Variants in DPP6 observed in about 807,000 individuals in gnomAD.
The protein encoded by DPP6 is dipeptidyl peptidase like 6.
Under a neutral mutation model 122.6 loss-of-function variants are expected in DPP6, and 69 were observed. The ratio of observed to expected loss-of-function variants is 0.56; its 90% CI spans 0.46 to 0.69. DPP6 has a LOEUF of 0.69. Among genes scored for constraint, DPP6 ranks in the 30% least tolerant of loss-of-function variants. DPP6 has a pLI of 0.00. For synonymous variants in DPP6, 418 were observed against 433.1 expected, an observed-to-expected ratio of 0.97 and a Z score of 0.43; for missense variants, 928 against 1,116.9, an observed-to-expected ratio of 0.83 and a Z score of 2.41.
the DPP6 span, among the ~76,000 whole-genome samples, chr7:153,750,108 A>C: frequency 6.6e-6 from 1 of 152,200 alleles, no homozygotes; most frequent in Admixed American, 6.5e-5. Flanking sequence ...TGAAGTGAGT[A>C]ATGATATTGG....
chr7:154,305,534 G>A (rs752433117), intron 1 of DPP6: 123 of 1,604,032 alleles, frequency 7.7e-5, no homozygotes, highest in Middle Eastern at 1.6e-4. Context: ...GGGGAAATCC[G>A]TGCAGCAGCA....
At chr7:154,844,327 T>C (rs1175903776) in intron 16 of DPP6, among the ~76,000 whole-genome samples, 1 of 152,214 alleles carries the variant, frequency 6.6e-6, no homozygotes, top group African/African-American at 2.4e-5. Flanking sequence ...AGGTTTAAAG[T>C]GTTCCTCTTG....
intron 1 of DPP6, among the ~76,000 whole-genome samples, chr7:154,273,638 T>C (rs1431446551): frequency 6.6e-6 from 1 of 152,228 alleles, no homozygotes; most frequent in Non-Finnish European, 1.5e-5. Context: ...TGTGCCCCAT[T>C]TTGTTAATGG....
chr7:153,813,425 T>C, the DPP6 span, among the ~76,000 whole-genome samples: 1 of 152,162 alleles, frequency 6.6e-6, no homozygotes, highest in Non-Finnish European at 1.5e-5. Flanking sequence ...CAGTCTATCA[T>C]TGTTGGACAC....
intron 1 of DPP6, among the ~76,000 whole-genome samples, chr7:154,143,749 A>G (rs980180456): frequency 4.0e-5 from 6 of 151,242 alleles, no homozygotes; most frequent in African/African-American, 7.3e-5. Context: ...GTCTCTAACT[A>G]CACATTTATC....
In DPP6 at chr7:154,516,391, G is replaced by A. The variant is rs561448845; in HGVS notation, c.458-24141G>A. ...CCACGCAGGAAGGCGCTGAGGAACC[G>A]TGCTACTGAAAGGAGAATGAGAGCT... On this transcript the variant is annotated intron_variant, in intron 3 of 25. Transcript: ENST00000377770. 3.0e-4 allele frequency among the ~76,000 whole-genome samples: 45 copies of A among 152,252 alleles called. No homozygotes were observed. In the South Asian group the frequency reaches 6.2e-3, roughly 21 times the overall value.
At chr7:153,973,872 G>T (rs1207317160) in intron 1 of DPP6, among the ~76,000 whole-genome samples, 3 of 149,230 alleles carry the variant, frequency 2.0e-5, no homozygotes, top group African/African-American at 7.5e-5. Context: ...TGCAACTCTT[G>T]TCTTAATCTA....
Position 153,935,511 on chromosome 7 carries a change from C to T in DPP6, c.51+47777C>T, listed in dbSNP as rs150635369. Among the ~76,000 whole-genome samples the T allele has an allele frequency of 2.0e-4, 30 of 152,306 alleles. No individual in the cohort carries two copies. The East Asian group carries it at 4.8e-3, about 25-fold the overall frequency. On this transcript the variant is annotated intron_variant, in intron 1 of 25. Transcript: ENST00000404039. ...TGGCTCAGCTGGTCTCCCTGCCGTC[C>T]GAGGCCCCGTTGGCCCCTCTCGATT...
intron 8 of DPP6, among the ~76,000 whole-genome samples, chr7:154,740,709 G>A (rs761072626): frequency 1.3e-5 from 2 of 152,078 alleles, no homozygotes; most frequent in South Asian, 2.1e-4. Flanking sequence ...GTAAACATAC[G>A]GGAGCAATGC....
intron 4 of DPP6, among the ~76,000 whole-genome samples, chr7:154,540,966 A>G (rs1445023379): frequency 6.6e-6 from 1 of 152,224 alleles, no homozygotes; most frequent in Admixed American, 6.5e-5. Flanking sequence ...AATTTGCTCA[A>G]TCCTGTTTAA....
intron 16 of DPP6, among the ~76,000 whole-genome samples, chr7:154,840,528 A>G (rs1270830606): frequency 6.6e-6 from 1 of 152,166 alleles, no homozygotes; most frequent in African/African-American, 2.4e-5. Context: ...GAGTTTCCCA[A>G]CACACCATAA....
intron 1 of DPP6, among the ~76,000 whole-genome samples, chr7:153,960,655 ATGTGTGTGCGGG>A: frequency 8.9e-6 from 1 of 111,886 alleles, no homozygotes; most frequent in Admixed American, 1.1e-4. Flanking sequence ...GTGTGTGTGC[ATGTGTGTGCGGG>A]TGTGTATGTG....
chr7:154,870,521 A>T (rs1449599931), intron 18 of DPP6, among the ~76,000 whole-genome samples: 1 of 152,136 alleles, frequency 6.6e-6, no homozygotes, highest in Non-Finnish European at 1.5e-5. Context: ...CACGAGAATC[A>T]CTTGAACCTA....
chr7:154,804,048 A>G lies in DPP6; in HGVS notation c.1499+93A>G, dbSNP rs561223765. Reference sequence around the variant, plus strand: ...TTACACTTATGGAGTACAGGAGCACAGGAGGCCTCCTCTTTCCTCCTCAGG... The same window carrying G: ...TTACACTTATGGAGTACAGGAGCACGGGAGGCCTCCTCTTTCCTCCTCAGG... On this transcript the variant is annotated intron_variant, in intron 14 of 25. Transcript: ENST00000377770. 352 of 1,462,404 alleles carry G rather than the reference A, an allele frequency of 2.4e-4. No individual in the cohort carries two copies. In the African/African-American group the frequency reaches 4.0e-3, roughly 17 times the overall value. The allele number at this position is 1,462,404 out of a possible 1,614,324, so 90.6% of individuals were successfully genotyped here. A position where few individuals can be genotyped will look rare whatever the true frequency, so the allele number is the denominator to read the frequency against.
intron 1 of DPP6, among the ~76,000 whole-genome samples, chr7:154,302,380 A>T (rs1805969265): frequency 6.6e-6 from 1 of 152,212 alleles, no homozygotes; most frequent in Non-Finnish European, 1.5e-5. Context: ...TGTTTTTAAA[A>T]ACAGCCAAAG....
chr7:154,369,111 T>G (rs910955434), intron 1 of DPP6, among the ~76,000 whole-genome samples: 3 of 152,154 alleles, frequency 2.0e-5, no homozygotes, highest in Non-Finnish European at 4.4e-5. Flanking sequence ...TTCGTTTGTT[T>G]TTGAGATGGA....
chr7:154,848,282 TC>T, intron 16 of DPP6, among the ~76,000 whole-genome samples: 1 of 152,264 alleles, frequency 6.6e-6, no homozygotes, highest in Middle Eastern at 3.4e-3. Context: ...TAATTTACCT[TC>T]CCCCCAGAGC....
At chr7:154,616,560 G>C (rs536636049) in intron 5 of DPP6, among the ~76,000 whole-genome samples, 1 of 152,328 alleles carries the variant, frequency 6.6e-6, no homozygotes. Flanking sequence ...TAGGCATAGA[G>C]AAAACATTCC....
intron 1 of DPP6, among the ~76,000 whole-genome samples, chr7:154,258,764 CA>C (rs143257143): frequency 0.054 from 8,248 of 152,124 alleles, 231 homozygotes; most frequent in Middle Eastern, 0.12. Context: ...CCACATTATA[CA>C]AAATCACACC....
Sources: allele counts gnomAD v4.1 joint callset (sites outside exome capture counted in the v4.1 genomes callset), GRCh38; gene constraint gnomAD v4.1.1; transcripts MANE v1.5; gene names NCBI Gene and HGNC (gene_info 2026-07-23, HGNC 2026-07-21).